Variants in PHF3 observed in about 807,000 individuals in gnomAD.
PHF3 encodes PHD finger protein 3.
In PHF3, 41 loss-of-function variants were observed where a neutral mutation model predicts 178.4. The observed-to-expected ratio is 0.23, with a 90% CI of 0.18 to 0.30. PHF3 has a LOEUF of 0.30. Among genes scored for constraint, PHF3 ranks in the 10% least tolerant of loss-of-function variants. The pLI is 1.00. For missense variants in PHF3, 2,346 were observed against 2,398.1 expected (o/e 0.98, Z 0.45); for synonymous variants, 842 against 800.5 (o/e 1.05, Z -0.88).
chr6:63,656,000 A>G (rs1765219192), intron 2 of PHF3, among the ~76,000 whole-genome samples: 1 of 152,196 alleles, frequency 6.6e-6, no homozygotes, highest in Admixed American at 6.5e-5. Context: ...TTCCATAGTC[A>G]TTGCTGCAGC....
At chr6:63,669,528 A>C (rs1029750046) in intron 2 of PHF3, among the ~76,000 whole-genome samples, 2 of 152,230 alleles carry the variant, frequency 1.3e-5, no homozygotes, top group Non-Finnish European at 2.9e-5. Context: ...GTGAGAGGCC[A>C]GGAAACTTGA....
In PHF3 at chr6:63,715,341, A is replaced by G. The variant is rs1768154010; in HGVS notation, c.*1633A>G. 6.6e-6 allele frequency: 1 copy of G among 152,174 alleles called. No homozygotes were observed. The highest frequency in any genetic ancestry group is 2.4e-5 in the African/African-American group (1 of 41,454). 9.4% of individuals were successfully genotyped at this position (152,174 alleles called of 1,614,324 possible). A position where few individuals can be genotyped will look rare whatever the true frequency, so the allele number is the denominator to read the frequency against. On this transcript the variant is annotated 3_prime_UTR_variant, in exon 16 of 16. Transcript: ENST00000262043. ...TCTTTTGGAAATTAACTTGTTAGAA[A>G]ACAAAGTTAGTTCCCAAACAAAACA...
chr6:63,639,232 C>T (rs1163456720), intron 1 of PHF3, among the ~76,000 whole-genome samples: 3 of 152,084 alleles, frequency 2.0e-5, no homozygotes, highest in Non-Finnish European at 4.4e-5. Context: ...AACCTGTTGG[C>T]ATAATCTAAC....
At chr6:63,660,520 T>C (rs1381122747) in intron 2 of PHF3, among the ~76,000 whole-genome samples, 1 of 152,078 alleles carries the variant, frequency 6.6e-6, no homozygotes, top group East Asian at 1.9e-4. Flanking sequence ...ACATACAATG[T>C]TGAGTAAAAC....
rs529659208 is a variant in PHF3, at chr6:63,722,544, G to C, written c.*8836G>C. Among the ~76,000 whole-genome samples the C allele has an allele frequency of 6.6e-6, 1 of 152,276 alleles. No homozygotes were observed. The highest frequency in any genetic ancestry group is 2.4e-5 in the African/African-American group (1 of 41,566). ...ATGAGGCATTCAGAAGAAAAGTAAA[G>C]GCAATTCTGCAAGCTTGGAAAAAGC... On this transcript the variant is annotated 3_prime_UTR_variant, in exon 16 of 16. Coordinates refer to ENST00000262043, the MANE Select transcript of PHF3 (RefSeq NM_001370348.2).
chr6:63,705,560 A>G (rs1767654808), intron 11 of PHF3, among the ~76,000 whole-genome samples: 1 of 152,154 alleles, frequency 6.6e-6, no homozygotes, highest in Non-Finnish European at 1.5e-5. Flanking sequence ...TCTGAGGTGT[A>G]ATGGTTTCAT....
At chr6:63,646,327 G>C (rs1181617041) in intron 1 of PHF3, among the ~76,000 whole-genome samples, 200 bp from the exon 2 acceptor site, 2 of 151,922 alleles carry the variant, frequency 1.3e-5, no homozygotes, top group Admixed American at 1.3e-4. Context: ...CATGCATGAT[G>C]AAGAAACATT....
Position 63,720,689 on chromosome 6 carries a change from A to T in PHF3, c.*6981A>T, listed in dbSNP as rs1415160006. 1 of 1,547,714 alleles carries T rather than the reference A, an allele frequency of 6.5e-7. No individual in the cohort carries two copies. Among genetic ancestry groups the T allele is most frequent in the East Asian group, 2.5e-5 (1 of 40,808 alleles). On this transcript the variant is annotated 3_prime_UTR_variant, in exon 16 of 16. Coordinates refer to ENST00000262043, the MANE Select transcript of PHF3 (RefSeq NM_001370348.2). ...TTTTTGGTTCCTGAAAAAATACAAC[A>T]TCTTTAATTTTGCCAACAAAATTGG...
In PHF3 at chr6:63,721,553, T is replaced by TA. The variant is rs1195683882; in HGVS notation, c.*7846dup. The stretch of plus-strand genomic sequence containing the variant: ...TGGGATTTACAAGATTTAAAGAAGA[T>TA]ACTCCTCCAATATAGAAGTCTGTAT... On this transcript the variant is annotated 3_prime_UTR_variant, in exon 16 of 16. Coordinates refer to ENST00000262043, the MANE Select transcript of PHF3 (RefSeq NM_001370348.2). 6.4e-7 allele frequency: 1 copy of TA among 1,551,694 alleles called. No homozygotes were observed. The highest frequency in any genetic ancestry group is 8.7e-7 in the Non-Finnish European group (1 of 1,146,886).
chr6:63,669,887 T>C (rs967911108), intron 2 of PHF3, among the ~76,000 whole-genome samples: 1 of 152,206 alleles, frequency 6.6e-6, no homozygotes, highest in Non-Finnish European at 1.5e-5. Context: ...CATTAAGTTA[T>C]GACCTTTACC....
At chr6:63,657,065 G>A (rs1765264825) in intron 2 of PHF3, among the ~76,000 whole-genome samples, 1 of 152,128 alleles carries the variant, frequency 6.6e-6, no homozygotes, top group Admixed American at 6.6e-5. Flanking sequence ...AACTTTTCTT[G>A]TGTTTTCTCT....
chr6:63,705,649 G>A (rs1263454479), intron 11 of PHF3, among the ~76,000 whole-genome samples: 1 of 152,196 alleles, frequency 6.6e-6, no homozygotes, highest in Non-Finnish European at 1.5e-5. Context: ...TGATAAAAAG[G>A]TTGGGGACTG....
Position 63,721,913 on chromosome 6 carries a change from CTTG to C in PHF3, c.*8206_*8208del. 3.3e-6 allele frequency: 3 copies of C among 895,862 alleles called. No individual in the cohort carries two copies. The highest frequency in any genetic ancestry group is 5.0e-6 in the Non-Finnish European group (3 of 601,676). 55.5% of individuals were successfully genotyped at this position (895,862 alleles called of 1,614,324 possible). On this transcript the variant is annotated 3_prime_UTR_variant, in exon 16 of 16. Transcript: ENST00000262043. Reference sequence around the variant, plus strand: ...AGTTATGGGGAAAAAAGTAACAGATCTTGAGCACAATTGTGTTAGTTTTGTTTC... The same window carrying C: ...AGTTATGGGGAAAAAAGTAACAGATCAGCACAATTGTGTTAGTTTTGTTTC...
intron 9 of PHF3, among the ~76,000 whole-genome samples, chr6:63,700,804 G>A (rs1298108707): frequency 6.6e-6 from 1 of 152,008 alleles, no homozygotes; most frequent in African/African-American, 2.4e-5. Context: ...GGATGGTCTC[G>A]ATCTCCTGAC....
intron 2 of PHF3, among the ~76,000 whole-genome samples, chr6:63,670,443 T>C (rs1765866192): frequency 1.3e-5 from 2 of 152,138 alleles, no homozygotes; most frequent in Admixed American, 1.3e-4. Context: ...TAATTTTTTG[T>C]ATTTTTAGTA....
At chr6:63,640,444 A>G (rs561427278) in intron 1 of PHF3, among the ~76,000 whole-genome samples, 1 of 152,260 alleles carries the variant, frequency 6.6e-6, no homozygotes, top group African/African-American at 2.4e-5. Context: ...TAAATTGGGG[A>G]TGATAGTACC....
intron 2 of PHF3, among the ~76,000 whole-genome samples, chr6:63,659,426 C>G (rs1027839917): frequency 6.6e-6 from 1 of 152,126 alleles, no homozygotes; most frequent in Non-Finnish European, 1.5e-5. Flanking sequence ...TAGGCAGATG[C>G]AGCTTAAAAA....
At chr6:63,678,769 A>G in intron 2 of PHF3, 1 of 439,268 alleles carries the variant, frequency 2.3e-6, no homozygotes, top group Non-Finnish European at 4.5e-6. Context: ...TTGCTCTTCA[A>G]AAAGATTGTG....
intron 4 of PHF3, 49 bp downstream of exon 4, chr6:63,685,960 C>CT: frequency 1.5e-6 from 2 of 1,352,016 alleles, no homozygotes; most frequent in Admixed American, 2.1e-5. Context: ...AAATAAATTG[C>CT]TTTTTTGGGG....
Sources: gnomAD v4.1 joint callset for allele counts (sites outside exome capture counted in the v4.1 genomes callset) on GRCh38, gnomAD v4.1.1 for gene constraint, MANE v1.5 for transcripts, NCBI Gene and HGNC (gene_info 2026-07-23, HGNC 2026-07-21) for gene names.